TAF1B: variants seen among roughly 807,000 people sequenced by gnomAD.
TAF1B encodes TATA box-binding protein-associated factor RNA polymerase I subunit B.
TAF1B carries 61 observed loss-of-function variants against 83.9 expected under a neutral mutation model. That is an observed-to-expected ratio of 0.73 (90% CI 0.59 to 0.90). The LOEUF (loss-of-function observed/expected upper bound fraction) is 0.90, where lower values mean the gene tolerates loss of function less well. TAF1B is among the 40% of genes least tolerant of loss of function. The pLI is 0.00. For synonymous variants in TAF1B, 221 were observed against 224.6 expected (o/e 0.98, Z 0.14); for missense variants, 625 against 677.0 (o/e 0.92, Z 0.85).
In TAF1B at chr2:9,917,811, G is replaced by A. The variant is rs934298101; in HGVS notation, c.1272-1230G>A. Among the ~76,000 whole-genome samples, 5 of 151,836 alleles carry A rather than the reference G, an allele frequency of 3.3e-5. No individual in the cohort carries two copies. The South Asian group carries it at 8.3e-4, about 25-fold the overall frequency. On this transcript the variant is annotated intron_variant, in intron 12 of 14. Coordinates refer to ENST00000263663, the MANE Select transcript of TAF1B (RefSeq NM_005680.3). Reference sequence around the variant, plus strand: ...GAGCCGGCCGGGCGCGGTGGCTCACGCCTGTAATCCCAGCACTTTGGGAGG... The same window carrying A: ...GAGCCGGCCGGGCGCGGTGGCTCACACCTGTAATCCCAGCACTTTGGGAGG...
chr2:9,897,272 G>T (rs1041753313), intron 8 of TAF1B, among the ~76,000 whole-genome samples: 13 of 152,036 alleles, frequency 8.6e-5, no homozygotes, highest in African/African-American at 3.1e-4. Context: ...TTAAAATAGG[G>T]CTACTTCTAT....
At chr2:9,928,434 A>G (rs887774279) in intron 14 of TAF1B, among the ~76,000 whole-genome samples, 9 of 152,146 alleles carry the variant, frequency 5.9e-5, no homozygotes, top group Non-Finnish European at 1.2e-4. Flanking sequence ...CATTGAATCT[A>G]TAAATTACCT....
At chr2:9,912,620 G>C (rs1665566745) in intron 11 of TAF1B, among the ~76,000 whole-genome samples, 1 of 152,192 alleles carries the variant, frequency 6.6e-6, no homozygotes, top group African/African-American at 2.4e-5. Context: ...CTGTCTCCCT[G>C]TAAGCCTCAA....
intron 12 of TAF1B, among the ~76,000 whole-genome samples, chr2:9,916,495 T>C (rs182275607): frequency 2.0e-5 from 3 of 152,340 alleles, no homozygotes; most frequent in East Asian, 1.9e-4. Context: ...TTGCCACTTG[T>C]GTAGGCATTT....
At chr2:9,855,658 T>A (rs918797220) in intron 5 of TAF1B, among the ~76,000 whole-genome samples, 2 of 152,074 alleles carry the variant, frequency 1.3e-5, no homozygotes, top group African/African-American at 4.8e-5. Flanking sequence ...CACTCCAGCC[T>A]GGGCAACAGA....
intron 7 of TAF1B, among the ~76,000 whole-genome samples, chr2:9,881,408 T>C (rs1664504254): frequency 6.6e-6 from 1 of 152,170 alleles, no homozygotes; most frequent in Non-Finnish European, 1.5e-5. Flanking sequence ...TCAGCCCAGC[T>C]CTTCAAGGCA....
intron 14 of TAF1B, among the ~76,000 whole-genome samples, chr2:9,923,237 CAAAA>C (rs71391173): frequency 3.5e-4 from 40 of 113,100 alleles, no homozygotes; most frequent in East Asian, 1.3e-3. Context: ...GACTCCATCT[CAAAA>C]AAAAAAAAAA....
At chr2:9,868,667 A>T (rs761517115) in intron 6 of TAF1B, 3 of 651,864 alleles carry the variant, frequency 4.6e-6, no homozygotes, top group South Asian at 4.5e-5. Context: ...TTAAAGGGAC[A>T]TAAAGTTCAA....
intron 1 of TAF1B, among the ~76,000 whole-genome samples, chr2:9,844,887 T>A (rs1663151523): frequency 6.6e-6 from 1 of 152,240 alleles, no homozygotes; most frequent in Non-Finnish European, 1.5e-5. Context: ...TTGCATTTTT[T>A]AAAAGTCTTC....
chr2:9,883,972 C>T (rs573440616), intron 8 of TAF1B, among the ~76,000 whole-genome samples: 31 of 152,324 alleles, frequency 2.0e-4, no homozygotes, highest in African/African-American at 7.0e-4. Flanking sequence ...AGGCTCATTT[C>T]GCCCACTCCG....
At chr2:9,868,678 G>C in intron 6 of TAF1B, 1 of 626,868 alleles carries the variant, frequency 1.6e-6, no homozygotes, top group South Asian at 1.5e-5. Context: ...TAAAGTTCAA[G>C]TGGATCCAGA....
chr2:9,887,702 C>T (rs975757603), intron 8 of TAF1B, among the ~76,000 whole-genome samples: 23 of 151,916 alleles, frequency 1.5e-4, no homozygotes, highest in Non-Finnish European at 1.8e-4. Context: ...CCTTTTAATT[C>T]GTGTGTTTAA....
Position 9,878,323 on chromosome 2 carries a change from ACCTTGGCCTCCTG to A in TAF1B, c.707+2317_707+2329del, listed in dbSNP as rs1055708180. On this transcript the variant is annotated intron_variant, in intron 7 of 14. Coordinates refer to ENST00000263663, the MANE Select transcript of TAF1B (RefSeq NM_005680.3). ...ACTTCTGGCCTCAAGCAAGCCTCCTACCTTGGCCTCCTGCCTTGGCCTCCCAAAATGTTGGGAT... is the reference window on the plus strand; with the variant it reads ...ACTTCTGGCCTCAAGCAAGCCTCCTACCTTGGCCTCCCAAAATGTTGGGAT... 1.5e-3 allele frequency among the ~76,000 whole-genome samples: 230 copies of A among 151,320 alleles called. 2 individuals are homozygous for A. The highest frequency in any genetic ancestry group is 5.0e-3 in the African/African-American group (205 of 41,136).
intron 5 of TAF1B, among the ~76,000 whole-genome samples, chr2:9,856,540 A>G (rs1186960817): frequency 2.6e-5 from 4 of 152,218 alleles, no homozygotes; most frequent in Non-Finnish European, 4.4e-5. Context: ...AAAAGAAAGG[A>G]AAGAATTGCC....
In TAF1B at chr2:9,913,224, C is replaced by G. The variant is rs748564258; in HGVS notation, c.1246C>G (p.Gln416Glu). 29 of 1,612,942 alleles carry G rather than the reference C, an allele frequency of 1.8e-5. No individual in the cohort carries two copies. The highest frequency in any genetic ancestry group is 1.9e-5 in the Non-Finnish European group (22 of 1,179,624). The change falls in exon 12 of 15, where the codon CAA becomes GAA. Residue 416 changes from glutamine (Q) to glutamate (E), a missense_variant. Coordinates refer to ENST00000263663, the MANE Select transcript of TAF1B (RefSeq NM_005680.3). ...IMKKAFDEKK[Q>E]KWEEARAKYL... ...GAAGAAAGCTTTTGATGAGAAAAAA[C>G]AAAAATGGGAAGAAGCAAGGGCCAA...
chr2:9,856,853 A>G (rs189097265), intron 5 of TAF1B, among the ~76,000 whole-genome samples: 4 of 152,374 alleles, frequency 2.6e-5, no homozygotes, highest in South Asian at 2.1e-4. Flanking sequence ...GAGTACAGCT[A>G]TACTCTATTT....
intron 5 of TAF1B, among the ~76,000 whole-genome samples, chr2:9,855,513 T>C (rs942296825): frequency 6.6e-6 from 1 of 151,944 alleles, no homozygotes; most frequent in Non-Finnish European, 1.5e-5. Flanking sequence ...ACCCCAACTC[T>C]ACAAAAAATT....
chr2:9,859,386 A>ATTTT lies in TAF1B; in HGVS notation c.399+4980_399+4983dup, dbSNP rs34951709. Among the ~76,000 whole-genome samples the ATTTT allele has an allele frequency of 8.8e-3, 1,175 of 133,396 alleles. 62 individuals are homozygous for ATTTT. The East Asian group carries it at 0.13, about 14-fold the overall frequency. The allele number at this position is 133,396 out of a possible 152,430, so 87.5% of individuals were successfully genotyped here. On this transcript the variant is annotated intron_variant, in intron 5 of 14. Coordinates refer to ENST00000263663, the MANE Select transcript of TAF1B (RefSeq NM_005680.3). ...CTTCATTGTCCATATCACTATCAGC[A>ATTTT]TTTTTTTTTTTTTTTTTTGAGATAG...
At chr2:9,864,705 A>G (rs1663906180) in intron 5 of TAF1B, among the ~76,000 whole-genome samples, 1 of 152,288 alleles carries the variant, frequency 6.6e-6, no homozygotes, top group South Asian at 2.1e-4. Context: ...ATACTGGCAA[A>G]CCGAATCCAG....
Sources: allele counts gnomAD v4.1 joint callset (sites outside exome capture counted in the v4.1 genomes callset), GRCh38; gene constraint gnomAD v4.1.1; transcripts MANE v1.5; gene names NCBI Gene and HGNC (gene_info 2026-07-23, HGNC 2026-07-21).